Variants in GLTP observed in about 807,000 individuals in gnomAD.
GLTP encodes the protein glycolipid transfer protein.
GLTP carries 22 observed loss-of-function variants against 24.0 expected under a neutral mutation model. The ratio of observed to expected loss-of-function variants is 0.92; its 90% CI spans 0.65 to 1.31. GLTP has a LOEUF of 1.31. GLTP is among the 50% of genes most tolerant of loss of function. The pLI, the probability that GLTP is intolerant of heterozygous loss-of-function variation, is 0.00. For missense variants in GLTP, 224 were observed against 276.6 expected, an observed-to-expected ratio of 0.81 and a Z score of 1.35; for synonymous variants, 92 against 115.9, an observed-to-expected ratio of 0.79 and a Z score of 1.33.
At chr12:109,873,938 T>C (rs555811099) in intron 1 of GLTP, among the ~76,000 whole-genome samples, 44 of 152,318 alleles carry the variant, frequency 2.9e-4, no homozygotes, top group Non-Finnish European at 5.7e-4. Flanking sequence ...TGGACCAGCT[T>C]GGCGGGCTGT....
intron 1 of GLTP, among the ~76,000 whole-genome samples, chr12:109,865,685 T>C (rs1868503523): frequency 6.6e-6 from 1 of 151,818 alleles, no homozygotes; most frequent in Admixed American, 6.6e-5. Context: ...CTGCCAGCCT[T>C]GGCCCCCTCA....
chr12:109,855,627 T>G lies in GLTP; in HGVS notation c.439A>C (p.Ile147Leu), dbSNP rs756438132. Reference sequence around the variant, plus strand: ...TCATGGGGGTGGCTCACCTGGAAGATCTTCTGCACGATCCAGCCATGGTAC... The same window carrying G: ...TCATGGGGGTGGCTCACCTGGAAGAGCTTCTGCACGATCCAGCCATGGTAC... The part of the protein sequence containing the change: ...KKYHGWIVQK[I>L]FQAALYAAPY... The change falls in exon 4 of 5, where the codon ATC (isoleucine) becomes CTC (leucine). Residue 147 changes from isoleucine to leucine, a missense_variant. Ile to Leu is a conservative substitution (Grantham distance 5, BLOSUM62 2). Coordinates refer to ENST00000318348, the MANE Select transcript of GLTP (RefSeq NM_016433.4). This position sits in a 1 kb window ranked among gnomAD's most constrained non-coding sequence, Gnocchi z 4.1. 1 of 1,543,884 alleles carries G rather than the reference T, an allele frequency of 6.5e-7. No individual in the cohort carries two copies. The highest frequency in any genetic ancestry group is 2.0e-5 in the Admixed American group (1 of 50,674).
At chr12:109,852,807 G>T in intron 4 of GLTP, 70 bp from the exon 5 acceptor site, 1 of 958,274 alleles carries the variant, frequency 1.0e-6, no homozygotes, top group Non-Finnish European at 1.6e-6. Context: ...AGCAGGCCAG[G>T]GTTCTGGGAG....
intron 1 of GLTP, among the ~76,000 whole-genome samples, chr12:109,864,842 C>CTTATT (rs1270888799): frequency 5.3e-5 from 8 of 152,038 alleles, no homozygotes; most frequent in Non-Finnish European, 8.8e-5. Context: ...TATTTATTTA[C>CTTATT]TTATTTTATT....
chr12:109,868,068 C>T (rs1395595592), intron 1 of GLTP, among the ~76,000 whole-genome samples: 8 of 152,190 alleles, frequency 5.3e-5, no homozygotes, highest in South Asian at 4.1e-4. Context: ...TGAGCCACCG[C>T]GCCTGGCCTC....
chr12:109,861,382 G>A (rs963363882), intron 1 of GLTP, among the ~76,000 whole-genome samples: 3 of 152,212 alleles, frequency 2.0e-5, no homozygotes, highest in Non-Finnish European at 4.4e-5. Context: ...TCGCCGCTGT[G>A]TGCCTCAGTT....
Position 109,868,948 on chromosome 12 carries a change from G to A in GLTP, c.104-10207C>T, listed in dbSNP as rs368402854. On this transcript the variant is annotated intron_variant, in intron 1 of 4. Coordinates refer to ENST00000318348, the MANE Select transcript of GLTP (RefSeq NM_016433.4). ...TTTCTAAAACAGGTTCCTGCTCTGAGTCTACTACCTAAAGAGGAAAGAATG... is the reference window on the plus strand; with the variant it reads ...TTTCTAAAACAGGTTCCTGCTCTGAATCTACTACCTAAAGAGGAAAGAATG... Among the ~76,000 whole-genome samples, 9 of 152,074 alleles carry A rather than the reference G, an allele frequency of 5.9e-5. No individual in the cohort carries two copies. In the East Asian group the frequency reaches 1.3e-3, roughly 23 times the overall value.
intron 1 of GLTP, among the ~76,000 whole-genome samples, chr12:109,869,312 AAAAAAAAAG>A (rs1381147788): frequency 1.4e-5 from 2 of 148,072 alleles, no homozygotes; most frequent in Non-Finnish European, 3.0e-5. Flanking sequence ...TCAAAAAAAA[AAAAAAAAAG>A]AAAGAAAGAA....
At chr12:109,862,434 TG>T (rs1461651929) in intron 1 of GLTP, among the ~76,000 whole-genome samples, 1 of 152,218 alleles carries the variant, frequency 6.6e-6, no homozygotes, top group Non-Finnish European at 1.5e-5. Flanking sequence ...CTCTTTCCTC[TG>T]CCAGTGACTA....
At chr12:109,874,617 T>TGGCTGTGTTAATAAAGATGCCGA (rs1412563102) in intron 1 of GLTP, among the ~76,000 whole-genome samples, 2 of 151,996 alleles carry the variant, frequency 1.3e-5, no homozygotes, top group African/African-American at 4.8e-5. Context: ...TGACCTGGAG[T>TGGCTGTGTTAATAAAGATGCCGA]GGCTGTGTTA....
rs532287672 is a variant in GLTP, at chr12:109,857,723, G to A, written c.163-64C>T. On this transcript the variant is annotated intron_variant, in intron 2 of 4. Coordinates refer to ENST00000318348, the MANE Select transcript of GLTP (RefSeq NM_016433.4). The surrounding 1 kb of genome is among the most constrained non-coding windows in gnomAD (Gnocchi z 4.3). Reference sequence around the variant, plus strand: ...GCCCCCATAGACATCTGGCCCGCACGCTGGGTGAAAAGCACCCTACCGGCA... The same window carrying A: ...GCCCCCATAGACATCTGGCCCGCACACTGGGTGAAAAGCACCCTACCGGCA... 1.2e-5 allele frequency: 19 copies of A among 1,575,434 alleles called. No individual in the cohort carries two copies. The highest frequency in any genetic ancestry group is 3.3e-5 in the South Asian group (3 of 90,262).
At chr12:109,873,777 C>T (rs773319131) in intron 1 of GLTP, among the ~76,000 whole-genome samples, 1 of 152,082 alleles carries the variant, frequency 6.6e-6, no homozygotes, top group Non-Finnish European at 1.5e-5. Context: ...CCACTGCATG[C>T]CAGTCTGGGC....
intron 4 of GLTP, among the ~76,000 whole-genome samples, chr12:109,854,365 CAAAA>C (rs34720686): frequency 6.1e-5 from 6 of 97,622 alleles, no homozygotes; most frequent in Non-Finnish European, 1.2e-4. Flanking sequence ...GACCCTGTCT[CAAAA>C]AAAAAAAAAA....
At position 109,857,815 on chromosome 12, in the gene GLTP, C is replaced by G. The variant is rs1363223375; in HGVS notation, c.163-156G>C. ...ACTTGTAACAATAACTATGACTGTT[C>G]ACATGAGCCAGGATTTGCAAAATGC... On this transcript the variant is annotated intron_variant, in intron 2 of 4. Coordinates refer to ENST00000318348, the MANE Select transcript of GLTP (RefSeq NM_016433.4). The surrounding 1 kb of genome is among the most constrained non-coding windows in gnomAD (Gnocchi z 4.3). 1.4e-6 allele frequency: 1 copy of G among 737,294 alleles called. No individual in the cohort carries two copies. Among genetic ancestry groups the G allele is most frequent in the African/African-American group, 1.7e-5 (1 of 57,478 alleles). The allele number at this position is 737,294 out of a possible 1,614,324, so 45.7% of individuals were successfully genotyped here.
chr12:109,854,359 C>T (rs1231819851), intron 4 of GLTP, among the ~76,000 whole-genome samples: 12 of 104,256 alleles, frequency 1.2e-4, no homozygotes, highest in African/African-American at 4.3e-4. Flanking sequence ...GAGTGAGACC[C>T]TGTCTCAAAA....
At chr12:109,866,695 G>A (rs541618125) in intron 1 of GLTP, among the ~76,000 whole-genome samples, 5 of 151,870 alleles carry the variant, frequency 3.3e-5, no homozygotes, top group Non-Finnish European at 5.9e-5. Flanking sequence ...CCCTCAAACC[G>A]TCACTAAATG....
intron 1 of GLTP, among the ~76,000 whole-genome samples, chr12:109,870,050 C>T (rs1868670820): frequency 6.6e-6 from 1 of 152,112 alleles, no homozygotes. Flanking sequence ...GGCAAGTTTC[C>T]TCATTTTTAA....
At chr12:109,861,069 G>A (rs941926640) in intron 1 of GLTP, among the ~76,000 whole-genome samples, 9 of 152,244 alleles carry the variant, frequency 5.9e-5, no homozygotes, top group Admixed American at 2.0e-4. Flanking sequence ...CCAATCCCAC[G>A]GGAGTGAAAG....
In GLTP at chr12:109,857,948, C is replaced by G. The variant is rs1366524936; in HGVS notation, c.163-289G>C. 2 of 458,056 alleles carry G rather than the reference C, an allele frequency of 4.4e-6. No homozygotes were observed. Among genetic ancestry groups the G allele is most frequent in the Non-Finnish European group, 4.1e-6 (1 of 245,678 alleles). 28.4% of individuals were successfully genotyped at this position (458,056 alleles called of 1,614,324 possible). ...GCTCACAGAGGAGCACGGACTTGCC[C>G]AAGGTCACACAGTTGGTACAGAGTT... is the stretch of plus-strand genomic sequence containing the variant. On this transcript the variant is annotated intron_variant, in intron 2 of 4. Transcript: ENST00000318348. This position sits in a 1 kb window ranked among gnomAD's most constrained non-coding sequence, Gnocchi z 4.3.
Sources: allele counts gnomAD v4.1 joint callset (sites outside exome capture counted in the v4.1 genomes callset), GRCh38; gene constraint gnomAD v4.1.1; non-coding constraint Gnocchi (gnomAD v3.1); transcripts MANE v1.5; gene names NCBI Gene and HGNC (gene_info 2026-07-23, HGNC 2026-07-21).